The following TXNRD1 variants were observed in gnomAD, a reference collection of about 807,000 sequenced individuals.
TXNRD1 encodes thioredoxin reductase 1, cytoplasmic.
Under a neutral mutation model 80.3 loss-of-function variants are expected in TXNRD1, and 57 were observed. The ratio of observed to expected loss-of-function variants is 0.71; its 90% CI spans 0.57 to 0.89. The LOEUF (loss-of-function observed/expected upper bound fraction) is 0.89, where lower values mean the gene tolerates loss of function less well. Ranked by LOEUF, TXNRD1 falls within the 40% of genes least tolerant of loss-of-function variation. The probability of loss-of-function intolerance (pLI) is 0.00; values close to 1 mark genes in which losing one functional copy is unlikely to be tolerated. For missense variants in TXNRD1, 730 were observed against 803.0 expected (o/e 0.91, Z 1.10); for synonymous variants, 291 against 285.2 (o/e 1.02, Z -0.20).
At chr12:104,254,646 T>TAA (rs1565864356) in intron 2 of TXNRD1, among the ~76,000 whole-genome samples, 1 of 70,380 alleles carries the variant, frequency 1.4e-5, no homozygotes, top group Non-Finnish European at 2.4e-5. Flanking sequence ...AAAAAAAAAA[T>TAA]ATATATATAT....
intron 1 of TXNRD1, 70 bp downstream of exon 1, chr12:104,215,963 G>T (rs148507831): frequency 7.4e-7 from 1 of 1,345,570 alleles, no homozygotes; most frequent in Non-Finnish European, 1.0e-6. Context: ...CGGGGTTGGG[G>T]ATAAAGTGCC....
At chr12:104,294,233 G>GGCGCCCCCCGCC (rs60817773) in intron 4 of TXNRD1, among the ~76,000 whole-genome samples, 1 of 68,880 alleles carries the variant, frequency 1.5e-5, no homozygotes, top group Admixed American at 1.7e-4. Context: ...CCGGGGAAAG[G>GGCGCCCCCCGCC]CCCCCCCCCC....
In TXNRD1 at chr12:104,321,719, AACATAAACACT is replaced by A. The variant is rs377693767; in HGVS notation, c.1215+420_1215+430del. 7.7e-4 allele frequency among the ~76,000 whole-genome samples: 117 copies of A among 152,330 alleles called. 2 individuals carry two copies. The highest frequency in any genetic ancestry group is 2.0e-3 in the African/African-American group (82 of 41,564). On this transcript the variant is annotated intron_variant, in intron 10 of 16. Coordinates refer to ENST00000525566, the MANE Select transcript of TXNRD1 (RefSeq NM_001093771.3). Reference sequence around the variant, plus strand: ...AGGACATTTCCCCTTGGTATATGATAACATAAACACTACATAAACACTACATACTTCTGGCA... The same window carrying A: ...AGGACATTTCCCCTTGGTATATGATAACATAAACACTACATACTTCTGGCA...
In TXNRD1 at chr12:104,326,435, A is replaced by G. The variant is rs1177437783; in HGVS notation, c.1385+12A>G. On this transcript the variant is annotated intron_variant, in intron 12 of 16. Transcript: ENST00000525566. ...AAGATAAATGAAAAGTAAGAAAAAA[A>G]TCTTTATTATGTCATATTTGTGGGA... is the stretch of plus-strand genomic sequence containing the variant. 6 of 1,444,068 alleles carry G rather than the reference A, an allele frequency of 4.2e-6. No homozygotes were observed. Among genetic ancestry groups the G allele is most frequent in the Non-Finnish European group, 5.6e-6 (6 of 1,070,616 alleles). The allele number at this position is 1,444,068 out of a possible 1,614,324, so 89.5% of individuals were successfully genotyped here.
At chr12:104,292,800 C>T (rs1039951481) in intron 4 of TXNRD1, among the ~76,000 whole-genome samples, 6 of 152,148 alleles carry the variant, frequency 3.9e-5, no homozygotes, top group African/African-American at 9.7e-5. Flanking sequence ...GTAGTTTGAT[C>T]AAGATCATTT....
intron 3 of TXNRD1, among the ~76,000 whole-genome samples, chr12:104,281,408 TTTTTTTTTTTC>T (rs988746612): frequency 1.2e-4 from 10 of 81,184 alleles, no homozygotes; most frequent in African/African-American, 3.3e-4. Context: ...ACTTTTTTTT[TTTTTTTTTTTC>T]TTTTTGAGAT....
intron 3 of TXNRD1, chr12:104,276,563 C>T (rs905908348): frequency 6.6e-6 from 1 of 152,222 alleles, no homozygotes; most frequent in Non-Finnish European, 1.5e-5. Context: ...TTTACCAGAA[C>T]ACCTTACACT....
intron 3 of TXNRD1, 135 bp downstream of exon 3, chr12:104,258,214 G>A (rs1349053546): frequency 3.0e-6 from 2 of 669,374 alleles, no homozygotes; most frequent in Admixed American, 3.2e-5. Context: ...CTTCTTTTTG[G>A]TCTTTTAGAC....
At chr12:104,347,632 G>C (rs766686980) in intron 16 of TXNRD1, among the ~76,000 whole-genome samples, 1 of 152,192 alleles carries the variant, frequency 6.6e-6, no homozygotes, top group Admixed American at 6.5e-5. Context: ...TCACAGCATC[G>C]TATTGCAAAG....
chr12:104,244,147 T>C (rs776274529), intron 1 of TXNRD1, among the ~76,000 whole-genome samples: 6 of 152,192 alleles, frequency 3.9e-5, no homozygotes, highest in Non-Finnish European at 8.8e-5. Flanking sequence ...TATATAGCTC[T>C]CTAAGCAATG....
intron 2 of TXNRD1, among the ~76,000 whole-genome samples, chr12:104,255,986 C>T (rs564655440): frequency 1.4e-4 from 21 of 152,300 alleles, no homozygotes; most frequent in African/African-American, 4.6e-4. Flanking sequence ...TGATTAGGTG[C>T]TTTTCCTGGT....
intron 3 of TXNRD1, chr12:104,283,099 T>C (rs1043878155): frequency 1.3e-5 from 2 of 152,178 alleles, no homozygotes; most frequent in Non-Finnish European, 2.9e-5. Flanking sequence ...GGAGGCTAAC[T>C]TCAAGAGTGA....
In TXNRD1 at chr12:104,265,732, G is replaced by C. The variant is rs556439496; in HGVS notation, c.304+7653G>C. On this transcript the variant is annotated intron_variant, in intron 3 of 16. Transcript: ENST00000525566. ...GGCCAGCAAGTGCCGCCGGCCGGCT[G>C]TCAAGCAGTTCCACGACTCCAAGAT... 1.2e-3 allele frequency: 1,954 copies of C among 1,598,278 alleles called. 8 individuals are homozygous for C. Among genetic ancestry groups the C allele is most frequent in the Non-Finnish European group, 8.7e-4 (1,025 of 1,177,866 alleles).
intron 1 of TXNRD1, among the ~76,000 whole-genome samples, chr12:104,221,136 C>T (rs1291539787): frequency 6.6e-6 from 1 of 151,922 alleles, no homozygotes; most frequent in East Asian, 1.9e-4. Context: ...GTGGCGTGCG[C>T]CTGTTAGTCA....
chr12:104,275,003 T>C (rs1021506951), intron 3 of TXNRD1, among the ~76,000 whole-genome samples: 3 of 152,232 alleles, frequency 2.0e-5, no homozygotes, highest in Admixed American at 6.5e-5. Flanking sequence ...ATATTCTGCA[T>C]GTACTAGCAT....
chr12:104,312,554 G>T (rs2035177646), intron 5 of TXNRD1, among the ~76,000 whole-genome samples: 1 of 152,200 alleles, frequency 6.6e-6, no homozygotes, highest in South Asian at 2.1e-4. Flanking sequence ...GTGTTTGAAA[G>T]ACGTGTAGAC....
intron 13 of TXNRD1, 33 bp from the exon 14 acceptor site, chr12:104,331,501 C>T (rs1359742468): frequency 9.4e-6 from 13 of 1,379,196 alleles, no homozygotes; most frequent in African/African-American, 1.4e-5. Flanking sequence ...ATAACTTTGC[C>T]TATTATAACT....
chr12:104,224,087 C>T (rs896089717), intron 1 of TXNRD1, among the ~76,000 whole-genome samples: 4 of 152,160 alleles, frequency 2.6e-5, no homozygotes, highest in South Asian at 4.1e-4. Context: ...GTTTAGGTCT[C>T]CTTTTAAGCT....
intron 4 of TXNRD1, among the ~76,000 whole-genome samples, chr12:104,290,011 T>A (rs192739970): frequency 1.3e-5 from 2 of 152,354 alleles, no homozygotes; most frequent in Non-Finnish European, 2.9e-5. Flanking sequence ...TGTGGTAGAT[T>A]ACCAGGTTAG....
Sources: gnomAD v4.1 joint callset for allele counts (sites outside exome capture counted in the v4.1 genomes callset) on GRCh38, gnomAD v4.1.1 for gene constraint, MANE v1.5 for transcripts, NCBI Gene and HGNC (gene_info 2026-07-23, HGNC 2026-07-21) for gene names.